Variants in EXTL3 observed in about 807,000 individuals in gnomAD.
EXTL3 encodes exostosin like glycosyltransferase 3.
In EXTL3, 27 loss-of-function variants were observed where a neutral mutation model predicts 69.3. That is an observed-to-expected ratio of 0.39 (90% CI 0.29 to 0.54). EXTL3 has a LOEUF of 0.54. EXTL3 is among the 20% of genes least tolerant of loss of function. The pLI is 0.69. For synonymous variants in EXTL3, 511 were observed against 499.4 expected (o/e 1.02, Z -0.31); for missense variants, 1,003 against 1,231.8 (o/e 0.81, Z 2.78).
At chr8:28,699,289 T>C (rs1800735067), upstream of EXTL3, among the ~76,000 whole-genome samples, 1 of 152,062 alleles carries the variant, frequency 6.6e-6, no homozygotes, top group African/African-American at 2.4e-5. Context: ...GTGGAGATGA[T>C]GCAGGGAAAT....
chr8:28,619,294 A>C (rs1029390900), upstream of EXTL3, among the ~76,000 whole-genome samples: 3 of 74,324 alleles, frequency 4.0e-5, no homozygotes, highest in Non-Finnish European at 9.3e-5. Context: ...AAAAAAAAAA[A>C]AAAAAAAAAA....
intron 4 of EXTL3, among the ~76,000 whole-genome samples, chr8:28,734,203 T>C (rs1188768423): frequency 6.6e-6 from 1 of 152,216 alleles, no homozygotes; most frequent in African/African-American, 2.4e-5. Flanking sequence ...GTTGCACAAT[T>C]TTCTCCCATT....
At position 28,751,685 on chromosome 8, in the gene EXTL3, C is replaced by G. The variant is rs778638328; in HGVS notation, c.*819C>G. ...CTTATCCCTGCTCTCCCATTTCTCT[C>G]TTGTTTGAGAGAGAATGAGGAAGCA... On this transcript the variant is annotated 3_prime_UTR_variant, in exon 7 of 7. Coordinates refer to ENST00000220562, the MANE Select transcript of EXTL3 (RefSeq NM_001440.4). 3 of 150,604 alleles carry G rather than the reference C, an allele frequency of 2.0e-5. No individual in the cohort carries two copies. The highest frequency in any genetic ancestry group is 4.4e-5 in the Non-Finnish European group (3 of 68,032). 9.3% of individuals were successfully genotyped at this position (150,604 alleles called of 1,614,324 possible).
chr8:28,672,430 C>CG (rs1342997362), intron 1 of EXTL3, among the ~76,000 whole-genome samples: 2 of 29,138 alleles, frequency 6.9e-5, no homozygotes, highest in African/African-American at 1.5e-4. Flanking sequence ...GGTGGGGGGG[C>CG]GGGGGGAGAA....
At chr8:28,733,986 GT>G (rs1801595678) in intron 4 of EXTL3, among the ~76,000 whole-genome samples, 2 of 151,412 alleles carry the variant, frequency 1.3e-5, no homozygotes, top group African/African-American at 4.9e-5. Context: ...CCTGGCTAAT[GT>G]TTGTATTTTT....
chr8:28,728,852 A>G (rs943633980), intron 3 of EXTL3, among the ~76,000 whole-genome samples: 1 of 152,122 alleles, frequency 6.6e-6, no homozygotes, highest in Non-Finnish European at 1.5e-5. Context: ...TGATAGCACC[A>G]TTGCACTCCA....
chr8:28,700,633 TGGAGTA>T (rs1800766328), upstream of EXTL3: 2 of 152,150 alleles, frequency 1.3e-5, no homozygotes, highest in South Asian at 4.1e-4. Context: ...GAGGAAACCC[TGGAGTA>T]GAAGCCCTGT....
intron 4 of EXTL3, among the ~76,000 whole-genome samples, chr8:28,734,911 T>A (rs1214861355): frequency 1.3e-5 from 2 of 152,234 alleles, no homozygotes; most frequent in East Asian, 3.8e-4. Context: ...AGAGGCTTTA[T>A]TGCTCATCTG....
intron 2 of EXTL3, among the ~76,000 whole-genome samples, chr8:28,615,169 T>C (rs191375275): frequency 6.6e-6 from 1 of 152,356 alleles, no homozygotes; most frequent in African/African-American, 2.4e-5. Context: ...ATTCAGAATG[T>C]GGTCTACCTT....
At chr8:28,615,952 AGGCCAGGC>A in intron 2 of EXTL3, among the ~76,000 whole-genome samples, 1 of 152,136 alleles carries the variant, frequency 6.6e-6, no homozygotes, top group South Asian at 2.1e-4. Flanking sequence ...ATCTATCAGT[AGGCCAGGC>A]ACAGTGGCTC....
chr8:28,678,799 T>C (rs1807432059), intron 1 of EXTL3, among the ~76,000 whole-genome samples: 1 of 152,182 alleles, frequency 6.6e-6, no homozygotes, highest in Non-Finnish European at 1.5e-5. Flanking sequence ...GGGAAAAGCA[T>C]GATTTCCCCT....
intron 1 of EXTL3, among the ~76,000 whole-genome samples, chr8:28,628,127 C>T (rs1197632490): frequency 6.6e-6 from 1 of 152,086 alleles, no homozygotes; most frequent in Admixed American, 6.5e-5. Flanking sequence ...TTTGGGAGGC[C>T]GAGACTAGTG....
chr8:28,683,910 T>TC (rs917070899), intron 1 of EXTL3, among the ~76,000 whole-genome samples: 2 of 152,034 alleles, frequency 1.3e-5, no homozygotes, highest in African/African-American at 4.8e-5. Flanking sequence ...CCATTAACCA[T>TC]CCCCCCTTTC....
intron 1 of EXTL3, among the ~76,000 whole-genome samples, chr8:28,645,963 G>A (rs117089908): frequency 0.034 from 5,096 of 151,932 alleles, 121 homozygotes; most frequent in Non-Finnish European, 0.055. Context: ...CTCAGGCTCC[G>A]GAGATCCTCC....
intron 1 of EXTL3, among the ~76,000 whole-genome samples, chr8:28,706,508 G>A (rs889331590): frequency 6.6e-6 from 1 of 152,174 alleles, no homozygotes; most frequent in African/African-American, 2.4e-5. Context: ...CACAGTTTCA[G>A]TGTTTTTATT....
intron 1 of EXTL3, among the ~76,000 whole-genome samples, chr8:28,687,988 A>G (rs923461962): frequency 4.0e-5 from 6 of 151,836 alleles, no homozygotes; most frequent in Admixed American, 3.3e-4. Flanking sequence ...TCTTAATGAG[A>G]GCAGTTTCAG....
At chr8:28,733,981 C>T (rs749019303) in intron 4 of EXTL3, among the ~76,000 whole-genome samples, 5 of 151,964 alleles carry the variant, frequency 3.3e-5, no homozygotes, top group Non-Finnish European at 7.4e-5. Flanking sequence ...CCATGCCTGG[C>T]TAATGTTTGT....
chr8:28,706,229 A>G (rs779384003), intron 1 of EXTL3, among the ~76,000 whole-genome samples: 2 of 152,234 alleles, frequency 1.3e-5, no homozygotes, highest in Non-Finnish European at 2.9e-5. Context: ...CACCTAAAAT[A>G]TATTCCTAGA....
At chr8:28,625,997 CAAAAAAAAAA>C (rs67403576) in intron 1 of EXTL3, among the ~76,000 whole-genome samples, 20 of 41,104 alleles carry the variant, frequency 4.9e-4, no homozygotes, top group African/African-American at 2.5e-3. Context: ...CACATTTCTC[CAAAAAAAAAA>C]AAAAAAAAAA....
Sources: gnomAD v4.1 joint callset for allele counts (sites outside exome capture counted in the v4.1 genomes callset) on GRCh38, gnomAD v4.1.1 for gene constraint, MANE v1.5 for transcripts, NCBI Gene and HGNC (gene_info 2026-07-23, HGNC 2026-07-21) for gene names.